ANKRD30B: variants seen among roughly 807,000 people sequenced by gnomAD.
ANKRD30B encodes ankyrin repeat domain 30B.
ANKRD30B carries 144 observed loss-of-function variants against 202.2 expected under a neutral mutation model. The observed-to-expected ratio is 0.71, with a 90% CI of 0.62 to 0.82. The LOEUF is 0.82. ANKRD30B is among the 40% of genes least tolerant of loss of function. The pLI is 0.00. For missense variants in ANKRD30B, 1,487 were observed against 1,669.1 expected (o/e 0.89, Z 1.90); for synonymous variants, 508 against 561.3 (o/e 0.91, Z 1.34).
intron 16 of ANKRD30B, among the ~76,000 whole-genome samples, chr18:14,791,786 CAG>C (rs1166522354): frequency 6.6e-6 from 1 of 151,924 alleles, no homozygotes; most frequent in African/African-American, 2.4e-5. Flanking sequence ...TCGAGAAAGA[CAG>C]AGAGTACAGA....
intron 39 of ANKRD30B, among the ~76,000 whole-genome samples, chr18:14,843,779 G>A (rs1348560046): frequency 1.3e-5 from 2 of 152,138 alleles, no homozygotes; most frequent in Non-Finnish European, 2.9e-5. Flanking sequence ...AGGGGACAGA[G>A]CGAGACTCCG....
chr18:14,902,028 A>C, the ANKRD30B span, among the ~76,000 whole-genome samples: 1 of 152,322 alleles, frequency 6.6e-6, no homozygotes, highest in East Asian at 1.9e-4. Flanking sequence ...GGCAAAAGGC[A>C]CTTCTTACAT....
intron 9 of ANKRD30B, among the ~76,000 whole-genome samples, chr18:14,777,425 G>A (rs1487340791): frequency 1.3e-5 from 2 of 151,702 alleles, no homozygotes; most frequent in Non-Finnish European, 2.9e-5. Context: ...AGCCTCCTGA[G>A]TAGCTGGGAT....
Position 14,779,996 on chromosome 18 carries a change from A to T in ANKRD30B, c.1457A>T (p.Asp486Val). 6.2e-7 allele frequency: 1 copy of T among 1,605,898 alleles called. No homozygotes were observed. Among genetic ancestry groups the T allele is most frequent in the Non-Finnish European group, 8.5e-7 (1 of 1,174,294 alleles). The stretch of plus-strand genomic sequence containing the variant: ...CCATCAGAATCCAAACGAGAGGAAG[A>T]TGAAGAATATTCTTGGGATTCTGGG... ...MFPSESKREE[D>V]EEYSWDSGSL... Residue 486 changes from aspartate (D) to valine (V), a missense_variant, in exon 11 of 44, where the codon GAT becomes GTT. By Grantham distance (152) the Asp-to-Val change is radical (BLOSUM62 -3). This residue lies in a region of ANKRD30B where 889 missense variants were observed against 841.4 expected (regional missense o/e 1.06). Coordinates refer to ENST00000690538, the MANE Select transcript of ANKRD30B (RefSeq NM_001367607.2).
At chr18:14,786,804 G>GT (rs1321586144) in intron 14 of ANKRD30B, among the ~76,000 whole-genome samples, 1 of 152,102 alleles carries the variant, frequency 6.6e-6, no homozygotes, top group African/African-American at 2.4e-5. Context: ...ACTCATACAA[G>GT]TTAGTCAAAT....
At chr18:14,863,693 A>G in the ANKRD30B span, among the ~76,000 whole-genome samples, 2 of 151,086 alleles carry the variant, frequency 1.3e-5, no homozygotes, top group African/African-American at 4.9e-5. Context: ...AAAAAAATAG[A>G]TGGTATCAAT....
At chr18:14,908,223 G>A in the ANKRD30B span, among the ~76,000 whole-genome samples, 1 of 152,092 alleles carries the variant, frequency 6.6e-6, no homozygotes, top group African/African-American at 2.4e-5. Flanking sequence ...GGATCTTTAA[G>A]ACCATTAAAG....
the ANKRD30B span, among the ~76,000 whole-genome samples, chr18:14,882,759 A>G: frequency 1.3e-5 from 2 of 151,762 alleles, no homozygotes; most frequent in African/African-American, 4.8e-5. Flanking sequence ...TATGTCTACT[A>G]GTAATTGTTT....
At chr18:14,775,839 A>C (rs555416688) in intron 9 of ANKRD30B, among the ~76,000 whole-genome samples, 19 of 152,250 alleles carry the variant, frequency 1.2e-4, no homozygotes, top group East Asian at 7.7e-4. Flanking sequence ...TGGTTCTGAC[A>C]CTTACTAGCT....
the ANKRD30B span, among the ~76,000 whole-genome samples, chr18:14,912,477 A>G: frequency 1.3e-5 from 2 of 152,152 alleles, no homozygotes; most frequent in Admixed American, 6.5e-5. Flanking sequence ...CCACCTGATC[A>G]TGGTGTATTA....
At chr18:14,924,608 G>A in the ANKRD30B span, among the ~76,000 whole-genome samples, 5 of 152,354 alleles carry the variant, frequency 3.3e-5, no homozygotes, top group Non-Finnish European at 7.3e-5. Flanking sequence ...CACAGCAGGG[G>A]CTGGGGCCAG....
chr18:14,822,341 T>G, intron 30 of ANKRD30B, 142 bp from the exon 31 acceptor site: 1 of 586,848 alleles, frequency 1.7e-6, no homozygotes, highest in Non-Finnish European at 3.1e-6. Context: ...ACAAACACAA[T>G]AACCCAAAAG....
At chr18:14,882,811 G>T in the ANKRD30B span, among the ~76,000 whole-genome samples, 1 of 151,918 alleles carries the variant, frequency 6.6e-6, no homozygotes, top group Non-Finnish European at 1.5e-5. Flanking sequence ...TGTATGTTTA[G>T]GATTGTCATA....
chr18:14,808,354 T>G (rs188080872), intron 24 of ANKRD30B, 197 bp from the exon 25 acceptor site: 15 of 625,286 alleles, frequency 2.4e-5, no homozygotes, highest in Middle Eastern at 4.4e-4. Flanking sequence ...ATGAAATTTA[T>G]TTTTTAAATT....
At chr18:14,914,959 G>A in the ANKRD30B span, among the ~76,000 whole-genome samples, 2 of 152,146 alleles carry the variant, frequency 1.3e-5, no homozygotes, top group Admixed American at 6.5e-5. Flanking sequence ...CATACTCTAG[G>A]AAAAATGTTG....
the ANKRD30B span, among the ~76,000 whole-genome samples, chr18:14,891,878 T>G: frequency 8.5e-5 from 13 of 152,360 alleles, no homozygotes; most frequent in Non-Finnish European, 1.9e-4. Flanking sequence ...TTAGGTTAAA[T>G]TTGTACTAAT....
Position 14,826,821 on chromosome 18 carries a change from T to C in ANKRD30B, c.2744-1457T>C, listed in dbSNP as rs184643144. On this transcript the variant is annotated intron_variant, in intron 32 of 43. Transcript: ENST00000690538. ...GATAGTATGGAACCCTATACATCCA[T>C]GCTTTTTTTCTTCTATAAGTGCATA... Among the ~76,000 whole-genome samples the C allele has an allele frequency of 3.9e-3, 590 of 151,904 alleles. 4 individuals carry two copies. Among genetic ancestry groups the C allele is most frequent in the Non-Finnish European group, 5.4e-3 (370 of 68,000 alleles).
At chr18:14,920,873 T>C in the ANKRD30B span, among the ~76,000 whole-genome samples, 2 of 152,244 alleles carry the variant, frequency 1.3e-5, no homozygotes, top group Non-Finnish European at 2.9e-5. Context: ...CAAGTGCATG[T>C]AAGATTGGCT....
intron 42 of ANKRD30B, among the ~76,000 whole-genome samples, 56 bp from the exon 43 acceptor site, chr18:14,853,753 G>C (rs530094760): frequency 2.6e-5 from 4 of 152,234 alleles, no homozygotes; most frequent in Non-Finnish European, 4.4e-5. Context: ...CTTTTTGAAA[G>C]TAAATATTGT....
Sources: allele counts gnomAD v4.1 joint callset (sites outside exome capture counted in the v4.1 genomes callset), GRCh38; gene constraint gnomAD v4.1.1; regional missense constraint gnomAD v4.1.1; transcripts MANE v1.5; gene names NCBI Gene and HGNC (gene_info 2026-07-23, HGNC 2026-07-21).